The following PLEKHA8 variants were observed in gnomAD, a reference collection of about 807,000 sequenced individuals.
The protein encoded by PLEKHA8 is pleckstrin homology domain containing A8, also known as pleckstrin homology domain-containing family A member 8.
In PLEKHA8, 36 loss-of-function variants were observed where a neutral mutation model predicts 68.2. That is an observed-to-expected ratio of 0.53 (90% CI 0.40 to 0.70). The LOEUF is 0.70. Ranked by LOEUF, PLEKHA8 falls within the 30% of genes least tolerant of loss-of-function variation. The probability of loss-of-function intolerance (pLI) is 0.00; values close to 1 mark genes in which losing one functional copy is unlikely to be tolerated. For missense variants in PLEKHA8, 505 were observed against 615.4 expected (o/e 0.82, Z 1.90); for synonymous variants, 211 against 216.1 (o/e 0.98, Z 0.20).
rs1189539421 is a variant in PLEKHA8 at position 30,050,488 on chromosome 7, TTTC to T, written c.638+20_638+22del. 1 of 1,551,416 alleles carries T rather than the reference TTTC, an allele frequency of 6.4e-7. No individual in the cohort carries two copies. On this transcript the variant is annotated intron_variant, in intron 6 of 13. Transcript: ENST00000449726. ...TTCATTGGAAAGGTACAGTAGCTTT[TTTC>T]TTCTTGCTAAAAATTAAAAAAAAAT...
chr7:30,109,401 A>G (rs891312161), intron 13 of PLEKHA8, among the ~76,000 whole-genome samples: 1 of 152,004 alleles, frequency 6.6e-6, no homozygotes, highest in Non-Finnish European at 1.5e-5. Flanking sequence ...AGCCTGGCCA[A>G]CATGGTGAAA....
At position 30,127,137 on chromosome 7, in the gene PLEKHA8, C is replaced by T. The variant is rs1247186604; in HGVS notation, c.1363-2129C>T. Among the ~76,000 whole-genome samples, 4 of 152,280 alleles carry T rather than the reference C, an allele frequency of 2.6e-5. 1 individual carries two copies. The South Asian group carries it at 8.3e-4, about 32-fold the overall frequency. On this transcript the variant is annotated intron_variant, in intron 13 of 13. Coordinates refer to the PLEKHA8 transcript ENST00000396257. ...AATCAGTTGTACAACCAGGGCCTTA[C>T]CTGGAGTGTCCTTTTTGAGAATGAT...
At position 30,080,333 on chromosome 7, in the gene PLEKHA8, T is replaced by C. The variant is rs1466160910; in HGVS notation, c.*1546T>C. 5 of 985,210 alleles carry C rather than the reference T, an allele frequency of 5.1e-6. No individual in the cohort carries two copies. 61.0% of individuals were successfully genotyped at this position (985,210 alleles called of 1,614,324 possible). A position where few individuals can be genotyped will look rare whatever the true frequency, so the allele number is the denominator to read the frequency against. On this transcript the variant is annotated 3_prime_UTR_variant, in exon 14 of 14. Transcript: ENST00000449726. ...CATCGGAGAGAAGCCATGGGTACCT[T>C]CCCCATTAGAGGCTACTTCCTTCTA...
chr7:30,113,232 A>G (rs1796328343), intron 13 of PLEKHA8, among the ~76,000 whole-genome samples: 1 of 152,228 alleles, frequency 6.6e-6, no homozygotes, highest in Non-Finnish European at 1.5e-5. Context: ...TTCTGGAAGT[A>G]AAATGTTCCC....
chr7:30,061,875 T>G (rs189823286), intron 10 of PLEKHA8, 22 bp from the exon 11 acceptor site: 1 of 1,612,952 alleles, frequency 6.2e-7, no homozygotes, highest in Non-Finnish European at 8.5e-7. Flanking sequence ...AAACTTAGGT[T>G]GTTTCCCTGC....
In PLEKHA8 at chr7:30,044,943, A is replaced by AT. The variant is rs1057020986; in HGVS notation, c.41-140dup. On this transcript the variant is annotated intron_variant, in intron 1 of 13. Transcript: ENST00000449726. ...AAAACATACAGGTCTTTCTAACTTA[A>AT]TTCTTTCTCTTAGAATATCCCTGGC... 10 of 534,764 alleles carry AT rather than the reference A, an allele frequency of 1.9e-5. No homozygotes were observed. In the African/African-American group the frequency reaches 1.9e-4, roughly 10 times the overall value. The allele number at this position is 534,764 out of a possible 1,614,324, so 33.1% of individuals were successfully genotyped here.
At chr7:30,070,612 T>G (rs1422002083) in intron 12 of PLEKHA8, among the ~76,000 whole-genome samples, 1 of 151,270 alleles carries the variant, frequency 6.6e-6, no homozygotes, top group Non-Finnish European at 1.5e-5. Flanking sequence ...AGTGGCGTGA[T>G]CTCGGCTCAC....
chr7:30,092,097 C>G (rs1795436723), downstream of PLEKHA8, among the ~76,000 whole-genome samples: 1 of 152,134 alleles, frequency 6.6e-6, no homozygotes, highest in African/African-American at 2.4e-5. Flanking sequence ...AAATCCTCAA[C>G]TTGATTTGTA....
intron 1 of PLEKHA8, among the ~76,000 whole-genome samples, chr7:30,032,426 A>G (rs1448371201): frequency 6.6e-6 from 1 of 152,218 alleles, no homozygotes; most frequent in African/African-American, 2.4e-5. Context: ...GCACTTTTCT[A>G]AACATTTTAC....
intron 12 of PLEKHA8, among the ~76,000 whole-genome samples, chr7:30,068,601 A>C (rs1308108550): frequency 6.6e-6 from 1 of 151,720 alleles, no homozygotes; most frequent in African/African-American, 2.4e-5. Flanking sequence ...TATTTCCTGG[A>C]TATTAATCTT....
In PLEKHA8 at chr7:30,062,753, T is replaced by C. The variant is rs1388280163; in HGVS notation, c.1300+11T>C. 1.9e-6 allele frequency: 3 copies of C among 1,605,572 alleles called. No individual in the cohort carries two copies. Among genetic ancestry groups the C allele is most frequent in the Non-Finnish European group, 1.7e-6 (2 of 1,172,654 alleles). ...TCCAGACAGCCCTAAGTAAGTGTTC[T>C]TTATGTTTTGTTGAATGAGTCAATA... On this transcript the variant is annotated intron_variant, in intron 12 of 13. Coordinates refer to ENST00000449726, the MANE Select transcript of PLEKHA8 (RefSeq NM_001197026.2).
chr7:30,070,547 C>CTTTT (rs34425647), intron 12 of PLEKHA8, among the ~76,000 whole-genome samples: 1 of 137,348 alleles, frequency 7.3e-6, no homozygotes, highest in Non-Finnish European at 1.6e-5. Context: ...GAATCCAGAG[C>CTTTT]TTTTTTTTTT....
chr7:30,052,929 A>T, intron 7 of PLEKHA8, 63 bp downstream of exon 7: 26 of 1,326,796 alleles, frequency 2.0e-5, no homozygotes, highest in Non-Finnish European at 2.6e-5. Flanking sequence ...TGGGAATTTG[A>T]TGAATATCCA....
chr7:30,068,507 G>A lies in PLEKHA8; in HGVS notation c.1301-5564G>A, dbSNP rs1160943633. 5.9e-5 allele frequency among the ~76,000 whole-genome samples: 9 copies of A among 152,260 alleles called. No homozygotes were observed. In the East Asian group the frequency reaches 1.7e-3, roughly 29 times the overall value. ...CTTTTCCTGTCTTCACTGGCAGTTT[G>A]ATATCCTTCTCTGTGAGTTGCCTGT... On this transcript the variant is annotated intron_variant, in intron 12 of 13. Transcript: ENST00000449726.
chr7:30,110,301 A>G, intron 13 of PLEKHA8, among the ~76,000 whole-genome samples: 1 of 152,166 alleles, frequency 6.6e-6, no homozygotes, highest in East Asian at 1.9e-4. Context: ...GGCTACTTTC[A>G]CTTAGCACAT....
intron 6 of PLEKHA8, among the ~76,000 whole-genome samples, chr7:30,050,952 ACC>A (rs2127977292): frequency 6.6e-6 from 1 of 152,302 alleles, no homozygotes; most frequent in East Asian, 1.9e-4. Context: ...AGATGATTTA[ACC>A]CATGAAAGTG....
At position 30,028,451 on chromosome 7, in the gene PLEKHA8, C is replaced by A. The variant is rs909940264; in HGVS notation, c.-312C>A. 1.0e-4 allele frequency: 31 copies of A among 301,964 alleles called. No homozygotes were observed. The highest frequency in any genetic ancestry group is 9.2e-4 in the Admixed American group (18 of 19,530). 18.7% of individuals were successfully genotyped at this position (301,964 alleles called of 1,614,324 possible). ...CCGCCTGCGACCGGCAGCTCGTTCG[C>A]CGCACTTTGGAGGCTTCGGCTGCCC... On this transcript the variant is annotated 5_prime_UTR_variant, in exon 1 of 14. Coordinates refer to ENST00000449726, the MANE Select transcript of PLEKHA8 (RefSeq NM_001197026.2).
At chr7:30,076,497 A>G (rs1794617817) in intron 13 of PLEKHA8, among the ~76,000 whole-genome samples, 1 of 152,180 alleles carries the variant, frequency 6.6e-6, no homozygotes, top group South Asian at 2.1e-4. Context: ...CATGCACTAG[A>G]TGTTGTTTTA....
chr7:30,108,055 A>G (rs534619312), intron 13 of PLEKHA8, among the ~76,000 whole-genome samples: 51 of 149,652 alleles, frequency 3.4e-4, no homozygotes, highest in Non-Finnish European at 6.2e-4. Context: ...GGCAAAAAGC[A>G]AAACTCCATC....
Sources: allele counts gnomAD v4.1 joint callset (sites outside exome capture counted in the v4.1 genomes callset), GRCh38; gene constraint gnomAD v4.1.1; transcripts MANE v1.5; gene names NCBI Gene and HGNC (gene_info 2026-07-23, HGNC 2026-07-21).